The following BNC2 variants were observed in gnomAD, a reference collection of about 807,000 sequenced individuals.
The protein encoded by BNC2 is zinc finger protein basonuclin-2.
A neutral mutation model predicts 76.3 loss-of-function variants in BNC2; 20 were observed. The ratio of observed to expected loss-of-function variants is 0.26; its 90% CI spans 0.18 to 0.38. BNC2 has a LOEUF of 0.38. BNC2 is among the 10% of genes least tolerant of loss of function. BNC2 has a pLI of 1.00. For missense variants in BNC2, 1,382 were observed against 1,399.8 expected (o/e 0.99, Z 0.20); for synonymous variants, 582 against 514.8 (o/e 1.13, Z -1.77).
At chr9:16,592,579 A>G (rs1335030002) in intron 3 of BNC2, among the ~76,000 whole-genome samples, 2 of 152,182 alleles carry the variant, frequency 1.3e-5, no homozygotes, top group Admixed American at 1.3e-4. Flanking sequence ...TTTTGAGGTG[A>G]TAAAAATGTT....
intron 1 of BNC2, among the ~76,000 whole-genome samples, chr9:16,849,352 A>ATTTTTTTTTTTTTTTTTTTTT (rs35561834): frequency 1.1e-5 from 1 of 90,084 alleles, no homozygotes. Context: ...CATGCAAAAG[A>ATTTTTTTTTTTTTTTTTTTTT]TTTTTTTTTT....
At chr9:16,706,256 T>C (rs1823669911) in intron 3 of BNC2, among the ~76,000 whole-genome samples, 1 of 152,234 alleles carries the variant, frequency 6.6e-6, no homozygotes, top group African/African-American at 2.4e-5. Context: ...ATTGTCTTTT[T>C]CTGATCATTC....
intron 1 of BNC2, among the ~76,000 whole-genome samples, chr9:16,862,898 T>C (rs956881438): frequency 1.5e-4 from 21 of 139,650 alleles, no homozygotes; most frequent in Admixed American, 3.2e-4. Flanking sequence ...CATCTATATA[T>C]AGCTATATAT....
At chr9:16,687,345 T>C (rs1823009109) in intron 3 of BNC2, among the ~76,000 whole-genome samples, 1 of 152,172 alleles carries the variant, frequency 6.6e-6, no homozygotes, top group South Asian at 2.1e-4. Context: ...ACCTGCTCCT[T>C]GGTCTAGGAC....
At chr9:16,495,202 A>C (rs1411397876) in intron 5 of BNC2, among the ~76,000 whole-genome samples, 1 of 152,206 alleles carries the variant, frequency 6.6e-6, no homozygotes, top group Non-Finnish European at 1.5e-5. Flanking sequence ...CAGATCCTAA[A>C]AAAGGACAGT....
chr9:16,468,594 C>T (rs1417908948), intron 5 of BNC2, among the ~76,000 whole-genome samples: 1 of 151,966 alleles, frequency 6.6e-6, no homozygotes, highest in Non-Finnish European at 1.5e-5. Flanking sequence ...CGAGGTTTCA[C>T]CACGTTGGCC....
chr9:16,451,095 T>A (rs566469255), intron 5 of BNC2, among the ~76,000 whole-genome samples: 8 of 152,300 alleles, frequency 5.3e-5, no homozygotes, highest in African/African-American at 1.7e-4. Flanking sequence ...TCGTTGCCTT[T>A]TTACCTTTTG....
At chr9:16,811,230 C>CAAAAAAAAAAAAAAAAAA (rs58068661) in intron 1 of BNC2, among the ~76,000 whole-genome samples, 18 of 97,538 alleles carry the variant, frequency 1.8e-4, no homozygotes, top group African/African-American at 6.0e-4. Context: ...CTCAAAAGAC[C>CAAAAAAAAAAAAAAAAAA]AAAAAAAAAA....
chr9:16,440,704 C>A (rs1009612593), intron 5 of BNC2, among the ~76,000 whole-genome samples: 1 of 152,170 alleles, frequency 6.6e-6, no homozygotes, highest in Non-Finnish European at 1.5e-5. Context: ...TCTCCTGGCC[C>A]ACCACAATGC....
intron 6 of BNC2, among the ~76,000 whole-genome samples, chr9:16,424,356 T>A (rs896402611): frequency 2.0e-5 from 3 of 151,944 alleles, no homozygotes; most frequent in African/African-American, 7.3e-5. Flanking sequence ...ATAGGTTGCA[T>A]GAAGTGTCTT....
At chr9:16,691,501 G>GTTC (rs1823162248) in intron 3 of BNC2, among the ~76,000 whole-genome samples, 1 of 95,298 alleles carries the variant, frequency 1.0e-5, no homozygotes, top group African/African-American at 4.1e-5. Flanking sequence ...ATGGGTATGG[G>GTTC]TTCTTTTTTT....
intron 1 of BNC2, among the ~76,000 whole-genome samples, chr9:16,802,157 G>A (rs1817800633): frequency 6.6e-6 from 1 of 152,138 alleles, no homozygotes; most frequent in African/African-American, 2.4e-5. Flanking sequence ...CGCGGCATTG[G>A]GGCCAGTTAA....
intron 3 of BNC2, among the ~76,000 whole-genome samples, chr9:16,691,376 A>C (rs915467347): frequency 1.2e-4 from 19 of 152,090 alleles, no homozygotes; most frequent in African/African-American, 4.6e-4. Context: ...CTAGTGCTTT[A>C]CTCGAAAAAC....
chr9:16,575,202 C>T (rs752663537), intron 4 of BNC2: 26 of 944,068 alleles, frequency 2.8e-5, no homozygotes, highest in African/African-American at 7.1e-5. Flanking sequence ...AGAGCCGCGA[C>T]GTGAATGTAA....
chr9:16,625,644 G>C (rs1174294181), intron 3 of BNC2: 1 of 152,160 alleles, frequency 6.6e-6, no homozygotes, highest in Non-Finnish European at 1.5e-5. Flanking sequence ...AGGTTACAAA[G>C]ATAAAGAGAT....
intron 5 of BNC2, among the ~76,000 whole-genome samples, chr9:16,546,027 T>C (rs918132281): frequency 1.1e-4 from 16 of 152,220 alleles, no homozygotes; most frequent in Non-Finnish European, 2.4e-4. Context: ...ATTTATCTTA[T>C]TGATACTAAC....
chr9:16,643,605 C>CTTATTT (rs2133874486), intron 3 of BNC2, among the ~76,000 whole-genome samples: 1 of 152,182 alleles, frequency 6.6e-6, no homozygotes, highest in South Asian at 2.1e-4. Flanking sequence ...TTAGGTCCCT[C>CTTATTT]TTATTTTTAA....
chr9:16,520,301 C>T (rs1385674760), intron 5 of BNC2, among the ~76,000 whole-genome samples: 1 of 152,052 alleles, frequency 6.6e-6, no homozygotes, highest in Non-Finnish European at 1.5e-5. Flanking sequence ...AAGGTCAGTG[C>T]TTCATTATGT....
chr9:16,472,173 A>G (rs1821840349), intron 5 of BNC2, among the ~76,000 whole-genome samples: 1 of 152,232 alleles, frequency 6.6e-6, no homozygotes. Context: ...AGGCCTCACA[A>G]GCACTATATT....
Sources: allele counts gnomAD v4.1 joint callset (sites outside exome capture counted in the v4.1 genomes callset), GRCh38; gene constraint gnomAD v4.1.1; transcripts MANE v1.5; gene names NCBI Gene and HGNC (gene_info 2026-07-23, HGNC 2026-07-21).